Variants in MYO5B observed in about 807,000 individuals in gnomAD.
The protein encoded by MYO5B is myosin VB, also known as unconventional myosin-Vb.
MYO5B carries 143 observed loss-of-function variants against 229.3 expected under a neutral mutation model. The ratio of observed to expected loss-of-function variants is 0.62; its 90% CI spans 0.54 to 0.72. The LOEUF is 0.72. MYO5B is among the 30% of genes least tolerant of loss of function. The pLI, the probability that MYO5B is intolerant of heterozygous loss-of-function variation, is 0.00. For missense variants in MYO5B, 2,321 were observed against 2,331.0 expected (o/e 1.00, Z 0.09); for synonymous variants, 918 against 885.2 (o/e 1.04, Z -0.66).
intron 1 of MYO5B, among the ~76,000 whole-genome samples, chr18:50,175,748 C>A (rs1186527072): frequency 2.0e-5 from 3 of 152,218 alleles, no homozygotes; most frequent in Non-Finnish European, 2.9e-5. Flanking sequence ...AAGGCACTCC[C>A]TTATGGCATC....
intron 1 of MYO5B, among the ~76,000 whole-genome samples, chr18:50,179,634 G>A (rs2033044836): frequency 2.6e-5 from 4 of 152,188 alleles, no homozygotes; most frequent in Admixed American, 2.6e-4. Flanking sequence ...AAGAGTAACT[G>A]AGTCTCCTTG....
chr18:49,929,381 G>T, intron 17 of MYO5B, 131 bp downstream of exon 17: 1 of 708,844 alleles, frequency 1.4e-6, no homozygotes, highest in Non-Finnish European at 2.4e-6. Context: ...CATCCTGCTT[G>T]GGCCTCAATG....
Position 49,878,990 on chromosome 18 carries a change from C to T in MYO5B, c.3231G>A (p.Leu1077=). The T allele has an allele frequency of 6.2e-7, 1 of 1,614,158 alleles. No individual in the cohort carries two copies. The highest frequency in any genetic ancestry group is 2.2e-5 in the East Asian group (1 of 44,880). The change falls in exon 24 of 40, where the codon TTG becomes TTA. Residue 1077 remains leucine, a synonymous_variant. Coordinates refer to ENST00000285039, the MANE Select transcript of MYO5B (RefSeq NM_001080467.3). ...CCCGAAGGTTGTCGTATCTCTGCTC[C>T]AACTGTGAATATTCCTTCACAAGGT... ...YQNLVKEYSQ[L]EQRYDNLRDE... is the part of the protein sequence containing the mutation.
chr18:50,160,807 C>T (rs1287016213), intron 1 of MYO5B, among the ~76,000 whole-genome samples: 1 of 152,104 alleles, frequency 6.6e-6, no homozygotes, highest in Non-Finnish European at 1.5e-5. Flanking sequence ...ATCAACTCCC[C>T]TAGTCCCTCC....
intron 1 of MYO5B, among the ~76,000 whole-genome samples, chr18:50,116,855 A>C (rs977684467): frequency 6.6e-6 from 1 of 152,062 alleles, no homozygotes; most frequent in South Asian, 2.1e-4. Context: ...AAAAAAAAAA[A>C]AAACCAAAAA....
chr18:50,054,216 T>C (rs1250570057), intron 2 of MYO5B, among the ~76,000 whole-genome samples: 1 of 152,160 alleles, frequency 6.6e-6, no homozygotes, highest in African/African-American at 2.4e-5. Flanking sequence ...GGCCAGCTCC[T>C]TCCCAAAACC....
intron 1 of MYO5B, among the ~76,000 whole-genome samples, chr18:50,069,309 G>C (rs2030896728): frequency 1.3e-5 from 2 of 152,068 alleles, no homozygotes. Flanking sequence ...CTGAGCTCTG[G>C]AGTCTGTTTT....
chr18:50,072,936 C>T (rs768247205), intron 1 of MYO5B, among the ~76,000 whole-genome samples: 27 of 152,160 alleles, frequency 1.8e-4, no homozygotes, highest in Non-Finnish European at 3.4e-4. Context: ...AAGGGCCCAA[C>T]TAGGCCATCA....
At chr18:50,187,349 C>A (rs1289988280) in intron 1 of MYO5B, among the ~76,000 whole-genome samples, 1 of 152,172 alleles carries the variant, frequency 6.6e-6, no homozygotes, top group African/African-American at 2.4e-5. Flanking sequence ...TCAAAGTGAT[C>A]CGTCAGTAAC....
At chr18:50,112,188 T>G (rs533462220) in intron 1 of MYO5B, among the ~76,000 whole-genome samples, 2 of 152,090 alleles carry the variant, frequency 1.3e-5, no homozygotes, top group South Asian at 4.1e-4. Flanking sequence ...GCAAACCTCC[T>G]AAATATTGAG....
intron 17 of MYO5B, among the ~76,000 whole-genome samples, chr18:49,929,287 G>C (rs1048100711): frequency 6.6e-6 from 1 of 152,158 alleles, no homozygotes. Flanking sequence ...ATCTGAAAAG[G>C]ACTTTAGAGA....
chr18:49,866,970 A>G (rs1213827723), intron 27 of MYO5B, among the ~76,000 whole-genome samples: 1 of 152,184 alleles, frequency 6.6e-6, no homozygotes. Context: ...GCCTCCAGGT[A>G]CAAAGGCCTC....
intron 12 of MYO5B, among the ~76,000 whole-genome samples, chr18:49,955,666 C>T (rs1395785244): frequency 6.6e-6 from 1 of 152,210 alleles, no homozygotes; most frequent in Non-Finnish European, 1.5e-5. Flanking sequence ...ATATTGAATA[C>T]TCAATGCTAA....
intron 10 of MYO5B, among the ~76,000 whole-genome samples, chr18:49,973,123 A>C (rs950826333): frequency 3.3e-5 from 5 of 151,364 alleles, no homozygotes; most frequent in Non-Finnish European, 7.4e-5. Flanking sequence ...CCTCAAATAG[A>C]CCCTTCCACA....
chr18:50,114,431 C>T (rs1326219537), intron 1 of MYO5B, among the ~76,000 whole-genome samples: 1 of 152,206 alleles, frequency 6.6e-6, no homozygotes, highest in East Asian at 1.9e-4. Flanking sequence ...AACCAAGGCT[C>T]CTCTTGGGAA....
chr18:50,011,374 T>C (rs552891607), intron 4 of MYO5B, among the ~76,000 whole-genome samples: 19 of 152,194 alleles, frequency 1.2e-4, no homozygotes, highest in African/African-American at 3.9e-4. Context: ...TCCTCTTCCT[T>C]TGTGATTATA....
At chr18:50,172,370 T>C (rs1388242118) in intron 1 of MYO5B, among the ~76,000 whole-genome samples, 1 of 150,898 alleles carries the variant, frequency 6.6e-6, no homozygotes, top group Non-Finnish European at 1.5e-5. Flanking sequence ...TTTTCTCTTA[T>C]ACGATGGCCC....
At chr18:50,091,314 A>G (rs757184715) in intron 1 of MYO5B, among the ~76,000 whole-genome samples, 7 of 152,204 alleles carry the variant, frequency 4.6e-5, no homozygotes, top group Non-Finnish European at 1.0e-4. Context: ...ACCCAGACTG[A>G]CAGAAGCTTT....
chr18:50,101,549 A>G (rs2031655363), intron 1 of MYO5B, among the ~76,000 whole-genome samples: 1 of 147,958 alleles, frequency 6.8e-6, no homozygotes, highest in Admixed American at 6.7e-5. Flanking sequence ...AATTTACAAG[A>G]AAAAAAAACA....
Sources: allele counts gnomAD v4.1 joint callset (sites outside exome capture counted in the v4.1 genomes callset), GRCh38; gene constraint gnomAD v4.1.1; transcripts MANE v1.5; gene names NCBI Gene and HGNC (gene_info 2026-07-23, HGNC 2026-07-21).